TSPEAR: variants seen among roughly 807,000 people sequenced by gnomAD.
TSPEAR encodes thrombospondin type laminin G domain and EAR repeats, also known as thrombospondin-type laminin G domain and EAR repeat-containing protein.
Under a neutral mutation model 71.6 loss-of-function variants are expected in TSPEAR, and 69 were observed. The observed-to-expected ratio is 0.96, with a 90% confidence interval of 0.79 to 1.18. The LOEUF (loss-of-function observed/expected upper bound fraction) is 1.18, where lower values mean the gene tolerates loss of function less well. Ranked by LOEUF, TSPEAR falls within the 50% of genes most tolerant of loss-of-function variation. The pLI is 0.00. For synonymous variants in TSPEAR, 402 were observed against 387.2 expected (o/e 1.04, Z -0.45); for missense variants, 971 against 894.9 (o/e 1.09, Z -1.09).
At chr21:44,693,209 C>T (rs782308272) in intron 1 of TSPEAR, among the ~76,000 whole-genome samples, 1 of 152,092 alleles carries the variant, frequency 6.6e-6, no homozygotes, top group Non-Finnish European at 1.5e-5. Context: ...AAAATTAACT[C>T]TAAATGGATC....
intron 9 of TSPEAR, among the ~76,000 whole-genome samples, chr21:44,512,421 G>T (rs2052417096): frequency 6.6e-6 from 1 of 152,094 alleles, no homozygotes; most frequent in African/African-American, 2.4e-5. Flanking sequence ...ACCCCTCAGA[G>T]AACTCGGTAC....
chr21:44,514,893 C>T (rs185132751), intron 9 of TSPEAR, among the ~76,000 whole-genome samples: 50 of 152,286 alleles, frequency 3.3e-4, no homozygotes, highest in African/African-American at 1.2e-3. Flanking sequence ...CCTGGGGCTG[C>T]AAAGTCCTGC....
At chr21:44,706,713 G>T (rs1351854739) in intron 1 of TSPEAR, among the ~76,000 whole-genome samples, 1 of 152,198 alleles carries the variant, frequency 6.6e-6, no homozygotes, top group Non-Finnish European at 1.5e-5. Context: ...ATGCTGGGAC[G>T]GGGGCAGGGA....
intron 1 of TSPEAR, among the ~76,000 whole-genome samples, chr21:44,674,633 C>T (rs1345827154): frequency 3.9e-5 from 6 of 152,050 alleles, no homozygotes; most frequent in African/African-American, 1.4e-4. Context: ...GGGAAGATCA[C>T]CTGAGCCCAG....
At chr21:44,574,583 C>A in intron 1 of TSPEAR, 5 of 1,308,698 alleles carry the variant, frequency 3.8e-6, no homozygotes, top group Non-Finnish European at 5.1e-6. Flanking sequence ...TGCCTGTCTG[C>A]TGCAAGCCTG....
intron 2 of TSPEAR, chr21:44,558,049 G>T (rs782543623): frequency 5.0e-6 from 8 of 1,600,478 alleles, no homozygotes; most frequent in South Asian, 1.1e-5. Flanking sequence ...GGACCTGCCC[G>T]TCAGCAGCTG....
At position 44,702,835 on chromosome 21, in the gene TSPEAR, T is replaced by A. The variant is rs1439018541; in HGVS notation, c.82+8598A>T. ...TCCCCCAGGGCCAGCCAGGCTCAGGTTCCCCCCAACCTCTCCCACTGCTGA... is the reference window on the plus strand; with the variant it reads ...TCCCCCAGGGCCAGCCAGGCTCAGGATCCCCCCAACCTCTCCCACTGCTGA... On this transcript the variant is annotated intron_variant, in intron 1 of 11. Transcript: ENST00000323084. The A allele has an allele frequency of 7.8e-6, 8 of 1,029,690 alleles. No homozygotes were observed. The South Asian group carries it at 9.9e-5, about 13-fold the overall frequency. The allele number at this position is 1,029,690 out of a possible 1,614,324, so 63.8% of individuals were successfully genotyped here.
chr21:44,588,713 GATAT>G (rs587645290), intron 1 of TSPEAR, among the ~76,000 whole-genome samples: 1 of 24,686 alleles, frequency 4.1e-5, no homozygotes, highest in East Asian at 8.7e-4. Context: ...TATATAAACT[GATAT>G]ATATGTGTGT....
At chr21:44,682,822 A>C (rs1986671000) in intron 1 of TSPEAR, among the ~76,000 whole-genome samples, 1 of 152,210 alleles carries the variant, frequency 6.6e-6, no homozygotes, top group South Asian at 2.1e-4. Flanking sequence ...TCTGCCGAGG[A>C]GGAAGGGGCC....
At chr21:44,676,904 C>G in intron 1 of TSPEAR, 1 of 884,434 alleles carries the variant, frequency 1.1e-6, no homozygotes, top group Non-Finnish European at 1.9e-6. Flanking sequence ...TTCAGCTGAT[C>G]GATGTGACGA....
intron 1 of TSPEAR, among the ~76,000 whole-genome samples, chr21:44,617,606 G>T (rs139547186): frequency 4.6e-5 from 7 of 152,360 alleles, no homozygotes; most frequent in African/African-American, 1.7e-4. Context: ...GCCGTGACCA[G>T]GTTGCCTGCA....
rs781832854 is a variant in TSPEAR, at chr21:44,522,131, G to T, written c.1337-19C>A. The T allele has an allele frequency of 1.1e-5, 17 of 1,610,124 alleles. No individual in the cohort carries two copies. Among genetic ancestry groups the T allele is most frequent in the Non-Finnish European group, 1.1e-5 (13 of 1,176,660 alleles). ...TTGTCGCCTGGAACCAAGGGACTGT[G>T]CTGGGGGCAGGGAGGCAGATTCCAC... On this transcript the variant is annotated intron_variant, in intron 8 of 11. Transcript: ENST00000323084.
intron 2 of TSPEAR, among the ~76,000 whole-genome samples, chr21:44,553,626 A>G (rs759286412): frequency 6.6e-6 from 1 of 152,348 alleles, no homozygotes; most frequent in East Asian, 1.9e-4. Context: ...TCAAAGTAAT[A>G]AAGAAATAAT....
At position 44,583,594 on chromosome 21, in the gene TSPEAR, G is replaced by A. The variant is rs1979145919; in HGVS notation, c.83-15589C>T. On this transcript the variant is annotated intron_variant, in intron 1 of 11. Coordinates refer to ENST00000323084, the MANE Select transcript of TSPEAR (RefSeq NM_144991.3). Reference sequence around the variant, plus strand: ...CATGTATGTGTGTGTGTGAATGTGTGTGTATTAATCTACTGAGTGTTCCAG... The same window carrying A: ...CATGTATGTGTGTGTGTGAATGTGTATGTATTAATCTACTGAGTGTTCCAG... Among the ~76,000 whole-genome samples, 3 of 152,206 alleles carry A rather than the reference G, an allele frequency of 2.0e-5. No individual in the cohort carries two copies. The South Asian group carries it at 6.2e-4, about 32-fold the overall frequency.
At chr21:44,605,019 C>T (rs1259884673) in intron 1 of TSPEAR, among the ~76,000 whole-genome samples, 3 of 152,126 alleles carry the variant, frequency 2.0e-5, no homozygotes, top group Non-Finnish European at 4.4e-5. Context: ...CATCTATATT[C>T]GTCAAGGACG....
At chr21:44,638,295 G>A in intron 1 of TSPEAR, 1 of 1,221,466 alleles carries the variant, frequency 8.2e-7, no homozygotes, top group Non-Finnish European at 1.1e-6. Flanking sequence ...TTGTCTTGGG[G>A]ACCAGGATGC....
chr21:44,554,192 C>CCTTT (rs1555919473), intron 2 of TSPEAR, among the ~76,000 whole-genome samples: 1 of 152,088 alleles, frequency 6.6e-6, no homozygotes. Context: ...GGATTTGTGC[C>CCTTT]CTTTAAAGAA....
intron 1 of TSPEAR, among the ~76,000 whole-genome samples, chr21:44,605,522 C>T (rs1282223229): frequency 2.0e-5 from 3 of 152,170 alleles, no homozygotes; most frequent in Non-Finnish European, 4.4e-5. Flanking sequence ...AAGAACAAAG[C>T]TGGAGGCATC....
chr21:44,584,079 T>TA (rs1256691998), intron 1 of TSPEAR, among the ~76,000 whole-genome samples: 2 of 152,222 alleles, frequency 1.3e-5, no homozygotes, highest in Middle Eastern at 3.2e-3. Context: ...TAAAGAGTTA[T>TA]AAAAAATGAA....
Sources: allele counts gnomAD v4.1 joint callset (sites outside exome capture counted in the v4.1 genomes callset), GRCh38; gene constraint gnomAD v4.1.1; transcripts MANE v1.5; gene names NCBI Gene and HGNC (gene_info 2026-07-23, HGNC 2026-07-21).